Variants in ASCC2 observed in about 807,000 individuals in gnomAD.
ASCC2 encodes the protein activating signal cointegrator 1 complex subunit 2.
ASCC2 carries 42 observed loss-of-function variants against 93.5 expected under a neutral mutation model. The observed-to-expected ratio is 0.45, with a 90% CI of 0.35 to 0.58. ASCC2 has a LOEUF of 0.58. Ranked by LOEUF, ASCC2 falls within the 20% of genes least tolerant of loss-of-function variation. ASCC2 has a pLI of 0.00. For synonymous variants in ASCC2, 364 were observed against 384.2 expected (o/e 0.95, Z 0.62); for missense variants, 859 against 977.6 (o/e 0.88, Z 1.62).
At chr22:29,837,438 G>GA (rs57271738) in intron 1 of ASCC2, among the ~76,000 whole-genome samples, 1 of 151,898 alleles carries the variant, frequency 6.6e-6, no homozygotes, top group Admixed American at 6.6e-5. Context: ...GTCTTGGGGG[G>GA]AAAAAATAAA....
At position 29,802,065 on chromosome 22, in the gene ASCC2, C is replaced by T; in HGVS notation, c.1497G>A (p.Glu499=). 6.2e-7 allele frequency: 1 copy of T among 1,614,034 alleles called. No individual in the cohort carries two copies. Among genetic ancestry groups the T allele is most frequent in the Non-Finnish European group, 8.5e-7 (1 of 1,179,976 alleles). ...CCTCCAGGATATTGTTGATCACCTGCTCTGGGTCGTAGTGGTAGTACTCCA... is the reference window on the plus strand; with the variant it reads ...CCTCCAGGATATTGTTGATCACCTGTTCTGGGTCGTAGTGGTAGTACTCCA... ...ACLEYYHYDP[E]QVINNILEER... The change falls in exon 14 of 20, where the codon GAG becomes GAA. Residue 499 remains glutamate, a synonymous_variant. Coordinates refer to ENST00000307790, the MANE Select transcript of ASCC2 (RefSeq NM_032204.5).
Position 29,788,851 on chromosome 22 carries a change from G to A in ASCC2, c.*162C>T, listed in dbSNP as rs1025245560. On this transcript the variant is annotated 3_prime_UTR_variant, in exon 20 of 20. Transcript: ENST00000307790. ...GTGTGTTCTGCAGGAAGGCGCTCAT[G>A]GCTGGCTGGTAGATGAGAGGCGGCC... 1 of 826,032 alleles carries A rather than the reference G, an allele frequency of 1.2e-6. No individual in the cohort carries two copies. The highest frequency in any genetic ancestry group is 1.9e-6 in the Non-Finnish European group (1 of 522,428). 51.2% of individuals were successfully genotyped at this position (826,032 alleles called of 1,614,324 possible).
intron 17 of ASCC2, 55 bp from the exon 18 acceptor site, chr22:29,792,590 C>A: frequency 6.2e-7 from 1 of 1,606,094 alleles, no homozygotes; most frequent in Non-Finnish European, 8.5e-7. Context: ...GGAGCAAGAG[C>A]CACAAGGAGG....
intron 18 of ASCC2, among the ~76,000 whole-genome samples, chr22:29,790,898 G>GACTGCGGGAGCC (rs2057654534): frequency 6.6e-6 from 1 of 152,190 alleles, no homozygotes. Context: ...GGGCCCTGAA[G>GACTGCGGGAGCC]ACTGCGGGAG....
intron 5 of ASCC2, chr22:29,821,998 TTTTTC>T (rs1179509616): frequency 4.4e-5 from 19 of 435,660 alleles, no homozygotes; most frequent in Non-Finnish European, 7.3e-5. Flanking sequence ...GGCTTTGTCT[TTTTTC>T]TTTTTTTTTG....
At chr22:29,820,578 G>C (rs2061428559) in intron 5 of ASCC2, among the ~76,000 whole-genome samples, 1 of 151,960 alleles carries the variant, frequency 6.6e-6, no homozygotes. Context: ...CTGCTTTCCT[G>C]CTTCACTATA....
chr22:29,814,847 T>A, intron 6 of ASCC2, 80 bp from the exon 7 acceptor site: 1 of 1,118,604 alleles, frequency 8.9e-7, no homozygotes, highest in South Asian at 1.4e-5. Flanking sequence ...GGTCAGGTGA[T>A]CTGAAAACTG....
rs151185973 is a variant in ASCC2 at position 29,835,926 on chromosome 22, C to G, written c.-18+2252G>C. ...TATTACAAAGAAGGTGATCTATAACCTGGATGTTGAAGGATGGGGGAAAAG... is the reference window on the plus strand; with the variant it reads ...TATTACAAAGAAGGTGATCTATAACGTGGATGTTGAAGGATGGGGGAAAAG... On this transcript the variant is annotated intron_variant, in intron 1 of 19. Transcript: ENST00000307790. Among the ~76,000 whole-genome samples the G allele has an allele frequency of 5.5e-3, 835 of 152,106 alleles. 11 individuals carry two copies. Among genetic ancestry groups the G allele is most frequent in the African/African-American group, 0.019 (803 of 41,466 alleles).
At chr22:29,826,486 T>G (rs2062346791) in intron 2 of ASCC2, among the ~76,000 whole-genome samples, 1 of 151,888 alleles carries the variant, frequency 6.6e-6, no homozygotes, top group Admixed American at 6.6e-5. Flanking sequence ...TGGCTAATTT[T>G]TTTTTAGTAG....
intron 1 of ASCC2, chr22:29,834,370 A>G: frequency 5.1e-6 from 2 of 393,438 alleles, no homozygotes; most frequent in Non-Finnish European, 1.0e-5. Flanking sequence ...AGCAAAGGCA[A>G]GGAGGTGGAA....
chr22:29,828,658 C>G (rs938290756), intron 2 of ASCC2, among the ~76,000 whole-genome samples: 5 of 152,140 alleles, frequency 3.3e-5, no homozygotes, highest in Non-Finnish European at 7.3e-5. Flanking sequence ...CTAAGCTCTC[C>G]CTCAGCACCT....
intron 15 of ASCC2, among the ~76,000 whole-genome samples, chr22:29,797,570 T>A (rs1026689403): frequency 6.6e-6 from 1 of 152,164 alleles, no homozygotes; most frequent in Non-Finnish European, 1.5e-5. Flanking sequence ...CCTCGCTAAG[T>A]CTCAGTTCCT....
Position 29,801,073 on chromosome 22 carries a change from G to A in ASCC2, c.1606C>T (p.Arg536Cys), listed in dbSNP as rs754135355. The A allele has an allele frequency of 1.2e-5, 19 of 1,608,806 alleles. No homozygotes were observed. Among genetic ancestry groups the A allele is most frequent in the African/African-American group, 5.3e-5 (4 of 74,828 alleles). ...KPDPTPLLTS[R>C]HNVFQNDEFD... ...TCGTCATTCTGGAAGACGTTGTGGC[G>A]AGACGTCAGCAGGGGTGTAGGGTCT... Residue 536 changes from arginine to cysteine, a missense_variant, in exon 15 of 20, where the codon CGC (arginine) becomes TGC (cysteine). By Grantham distance (180) the Arg-to-Cys change is radical (BLOSUM62 -3). Coordinates refer to ENST00000307790, the MANE Select transcript of ASCC2 (RefSeq NM_032204.5).
At chr22:29,820,999 CTG>C (rs1268337214) in intron 5 of ASCC2, among the ~76,000 whole-genome samples, 1 of 151,608 alleles carries the variant, frequency 6.6e-6, no homozygotes, top group Non-Finnish European at 1.5e-5. Flanking sequence ...ATTTCGAAGA[CTG>C]TGTCCTACAG....
chr22:29,806,107 T>C, intron 12 of ASCC2, 109 bp downstream of exon 12: 1 of 1,240,354 alleles, frequency 8.1e-7, no homozygotes, highest in South Asian at 1.2e-5. Flanking sequence ...GGCTGACCCA[T>C]GCGTTCTGGG....
intron 5 of ASCC2, among the ~76,000 whole-genome samples, chr22:29,820,851 G>C (rs1313578741): frequency 6.6e-6 from 1 of 150,520 alleles, no homozygotes; most frequent in African/African-American, 2.5e-5. Context: ...GGTTGCGGTG[G>C]GCCGAGATTG....
chr22:29,823,583 C>T (rs898660189), intron 4 of ASCC2, among the ~76,000 whole-genome samples: 1 of 152,122 alleles, frequency 6.6e-6, no homozygotes, highest in African/African-American at 2.4e-5. Context: ...CGCGATGGCT[C>T]GCGCCGGTAA....
chr22:29,815,025 G>A (rs974267872), intron 6 of ASCC2: 2 of 348,426 alleles, frequency 5.7e-6, no homozygotes, highest in Admixed American at 5.5e-5. Context: ...GCCAGGTGTG[G>A]TGGCTCACTC....
chr22:29,806,967 A>G (rs1040781207), intron 9 of ASCC2, 63 bp from the exon 10 acceptor site: 11 of 1,306,118 alleles, frequency 8.4e-6, no homozygotes, highest in Non-Finnish European at 1.2e-5. Context: ...GGCCAGGTGC[A>G]GTGGTTTACA....
Sources: allele counts gnomAD v4.1 joint callset (sites outside exome capture counted in the v4.1 genomes callset), GRCh38; gene constraint gnomAD v4.1.1; transcripts MANE v1.5; gene names NCBI Gene and HGNC (gene_info 2026-07-23, HGNC 2026-07-21).